TTC39B: variants seen among roughly 807,000 people sequenced by gnomAD.
The protein encoded by TTC39B is tetratricopeptide repeat domain 39B, also known as tetratricopeptide repeat protein 39B.
Under a neutral mutation model 96.6 loss-of-function variants are expected in TTC39B, and 92 were observed. That is an observed-to-expected ratio of 0.95 (90% CI 0.80 to 1.13). The LOEUF (loss-of-function observed/expected upper bound fraction) is 1.13, where lower values mean the gene tolerates loss of function less well. Among genes scored for constraint, TTC39B ranks in the 50% most tolerant of loss-of-function variants. The pLI, the probability that TTC39B is intolerant of heterozygous loss-of-function variation, is 0.00. For synonymous variants in TTC39B, 367 were observed against 299.4 expected (o/e 1.23, Z -2.33); for missense variants, 955 against 809.3 (o/e 1.18, Z -2.18).
At chr9:15,226,725 T>G (rs114318897) in intron 2 of TTC39B, among the ~76,000 whole-genome samples, 3,735 of 152,320 alleles carry the variant, frequency 0.025, 154 homozygotes, top group African/African-American at 0.086. Context: ...AGGACCAATT[T>G]GCCTTGCAGA....
intron 1 of TTC39B, among the ~76,000 whole-genome samples, chr9:15,303,824 T>A (rs10435728): frequency 1.3e-5 from 2 of 151,668 alleles, no homozygotes; most frequent in Non-Finnish European, 2.9e-5. Context: ...TAGTAGAGAC[T>A]GGGTGTCACC....
chr9:15,204,421 C>A (rs1037127279), intron 6 of TTC39B, among the ~76,000 whole-genome samples: 2 of 151,314 alleles, frequency 1.3e-5, no homozygotes, highest in African/African-American at 4.9e-5. Context: ...CCCAGCTATT[C>A]GGGAGGCTGA....
intron 8 of TTC39B, among the ~76,000 whole-genome samples, chr9:15,199,100 T>C (rs1442053822): frequency 6.6e-6 from 1 of 152,176 alleles, no homozygotes; most frequent in East Asian, 1.9e-4. Flanking sequence ...AGATTCAAAC[T>C]TAGAGCCTTT....
At chr9:15,240,976 C>G (rs1822012177) in intron 2 of TTC39B, among the ~76,000 whole-genome samples, 1 of 152,138 alleles carries the variant, frequency 6.6e-6, no homozygotes. Context: ...TCTACCTTTG[C>G]TAAAAACGAA....
At chr9:15,222,012 A>C (rs1233859099) in intron 3 of TTC39B, among the ~76,000 whole-genome samples, 1 of 152,216 alleles carries the variant, frequency 6.6e-6, no homozygotes. Context: ...GTGAAGGCTA[A>C]ATGAATTCGG....
At chr9:15,225,397 A>T (rs1254101225) in intron 3 of TTC39B, among the ~76,000 whole-genome samples, 1 of 152,190 alleles carries the variant, frequency 6.6e-6, no homozygotes, top group African/African-American at 2.4e-5. Context: ...TTCTTAAAAT[A>T]TATTTTTAAA....
intron 4 of TTC39B, among the ~76,000 whole-genome samples, chr9:15,212,611 G>C (rs1820271393): frequency 6.6e-6 from 1 of 152,004 alleles, no homozygotes; most frequent in Non-Finnish European, 1.5e-5. Flanking sequence ...ATTTTTAGTA[G>C]AGACAGGGTT....
chr9:15,243,057 C>A (rs891431230), intron 2 of TTC39B, among the ~76,000 whole-genome samples: 1 of 152,098 alleles, frequency 6.6e-6, no homozygotes, highest in Non-Finnish European at 1.5e-5. Context: ...AGGAGAGAGG[C>A]CAATGCAAAG....
At chr9:15,213,082 A>C (rs889572130) in intron 4 of TTC39B, among the ~76,000 whole-genome samples, 1 of 152,176 alleles carries the variant, frequency 6.6e-6, no homozygotes, top group African/African-American at 2.4e-5. Flanking sequence ...ATGTACTCCA[A>C]AAATAGGTAC....
At chr9:15,194,288 T>C (rs572193318) in intron 8 of TTC39B, among the ~76,000 whole-genome samples, 1 of 152,360 alleles carries the variant, frequency 6.6e-6, no homozygotes, top group South Asian at 2.1e-4. Flanking sequence ...TTAAATCTTT[T>C]AATATTAAAC....
In TTC39B at chr9:15,181,139, G is replaced by A. The variant is rs1029312891; in HGVS notation, c.1723+1168C>T. Among the ~76,000 whole-genome samples, 19 of 152,270 alleles carry A rather than the reference G, an allele frequency of 1.2e-4. No individual in the cohort carries two copies. In the South Asian group the frequency reaches 2.9e-3, roughly 23 times the overall value. On this transcript the variant is annotated intron_variant, in intron 17 of 19. Transcript: ENST00000512701. Reference sequence around the variant, plus strand: ...CAACCAATGGGGGGCTGGGGGTGGTGAAGAGCTTGCTCAAATAGACAGTAG... The same window carrying A: ...CAACCAATGGGGGGCTGGGGGTGGTAAAGAGCTTGCTCAAATAGACAGTAG...
At chr9:15,265,472 T>C (rs149449929) in intron 2 of TTC39B, among the ~76,000 whole-genome samples, 27 of 152,316 alleles carry the variant, frequency 1.8e-4, no homozygotes, top group Non-Finnish European at 2.9e-4. Context: ...TCCTTTTCCA[T>C]CCCCTGGACT....
At chr9:15,217,353 AC>A (rs1442586396) in intron 3 of TTC39B, among the ~76,000 whole-genome samples, 1 of 151,924 alleles carries the variant, frequency 6.6e-6, no homozygotes, top group Non-Finnish European at 1.5e-5. Context: ...CCAAACATCC[AC>A]CTCTGCATCT....
intron 2 of TTC39B, among the ~76,000 whole-genome samples, chr9:15,231,656 C>G (rs1821429971): frequency 6.6e-6 from 1 of 152,122 alleles, no homozygotes; most frequent in African/African-American, 2.4e-5. Context: ...TTCTCTCAAT[C>G]AAATCATAGA....
exon 1 of TTC39B, chr9:15,307,213 A>G (rs77031199): frequency 5.1e-6 from 8 of 1,557,708 alleles, no homozygotes; most frequent in Non-Finnish European, 7.0e-6. Flanking sequence ...GCCCAGCGCA[A>G]AGGAGGGCAA....
intron 15 of TTC39B, among the ~76,000 whole-genome samples, chr9:15,185,800 T>C (rs1818493880): frequency 6.6e-6 from 1 of 152,210 alleles, no homozygotes; most frequent in Non-Finnish European, 1.5e-5. Context: ...ACGTTGTGGA[T>C]ACTCAGGGAG....
chr9:15,176,878 C>T (rs994471988), intron 18 of TTC39B, among the ~76,000 whole-genome samples: 2 of 152,184 alleles, frequency 1.3e-5, no homozygotes, highest in African/African-American at 4.8e-5. Flanking sequence ...AAGGGCCAGG[C>T]ATCAGTACCC....
chr9:15,187,137 G>A, intron 14 of TTC39B, 102 bp from the exon 15 acceptor site: 1 of 803,506 alleles, frequency 1.2e-6, no homozygotes, highest in Non-Finnish European at 1.9e-6. Context: ...TATAAAATTA[G>A]AGGCATTAAA....
In TTC39B at chr9:15,189,916, A is replaced by C; in HGVS notation, c.1106-124T>G. On this transcript the variant is annotated intron_variant, in intron 11 of 19. Transcript: ENST00000512701. ...TGGAAAAGATGAAAACTATTATTTC[A>C]TCATTTTTATATCTGGGGAATAAAA... 1.8e-5 allele frequency: 12 copies of C among 673,908 alleles called. No homozygotes were observed. The South Asian group carries it at 2.2e-4, about 12-fold the overall frequency. 41.7% of individuals were successfully genotyped at this position (673,908 alleles called of 1,614,324 possible).
Sources: gnomAD v4.1 joint callset for allele counts (sites outside exome capture counted in the v4.1 genomes callset) on GRCh38, gnomAD v4.1.1 for gene constraint, MANE v1.5 for transcripts, NCBI Gene and HGNC (gene_info 2026-07-23, HGNC 2026-07-21) for gene names.